SCOC: variants seen among roughly 807,000 people sequenced by gnomAD.
SCOC encodes short coiled coil protein.
A neutral mutation model predicts 9.9 loss-of-function variants in SCOC; 7 were observed. The observed-to-expected ratio is 0.71, with a 90% CI of 0.40 to 1.33. SCOC has a LOEUF of 1.33. Among genes scored for constraint, SCOC ranks in the 40% most tolerant of loss-of-function variants. The probability of loss-of-function intolerance (pLI) is 0.01; values close to 1 mark genes in which losing one functional copy is unlikely to be tolerated. For synonymous variants in SCOC, 19 were observed against 28.2 expected, an observed-to-expected ratio of 0.67 and a Z score of 1.03; for missense variants, 66 against 89.7, an observed-to-expected ratio of 0.74 and a Z score of 1.07.
chr4:140,270,776 T>C (rs2126401272), intron 1 of SCOC, among the ~76,000 whole-genome samples: 1 of 152,312 alleles, frequency 6.6e-6, no homozygotes, highest in East Asian at 1.9e-4. Context: ...AGGAGTTGGC[T>C]AGTTTTGGGA....
intron 1 of SCOC, among the ~76,000 whole-genome samples, chr4:140,375,280 G>T (rs996339898): frequency 1.3e-5 from 2 of 152,184 alleles, no homozygotes; most frequent in African/African-American, 4.8e-5. Flanking sequence ...TAGAGAAGAC[G>T]ATAGCAGACA....
intron 1 of SCOC, chr4:140,291,241 C>A: frequency 2.9e-6 from 1 of 342,596 alleles, no homozygotes; most frequent in Non-Finnish European, 5.8e-6. Flanking sequence ...CGTGCTATCT[C>A]CAAAAGAAGC....
chr4:140,307,862 G>T (rs1578794321), intron 1 of SCOC, among the ~76,000 whole-genome samples: 1 of 152,270 alleles, frequency 6.6e-6, no homozygotes, highest in East Asian at 1.9e-4. Context: ...ATAATAAGAG[G>T]ACAGGGAGAT....
chr4:140,298,431 A>G (rs1220227269), intron 1 of SCOC, among the ~76,000 whole-genome samples: 1 of 152,220 alleles, frequency 6.6e-6, no homozygotes, highest in African/African-American at 2.4e-5. Context: ...CTGTGGGATC[A>G]TGTTGCTTTC....
chr4:140,332,534 A>C (rs773813728), intron 1 of SCOC, among the ~76,000 whole-genome samples: 42 of 152,022 alleles, frequency 2.8e-4, no homozygotes, highest in Non-Finnish European at 2.4e-4. Flanking sequence ...ATGTGCCACC[A>C]TGCCCAGCTA....
At chr4:140,291,641 G>T (rs757055072) in intron 1 of SCOC, 3 of 395,548 alleles carry the variant, frequency 7.6e-6, no homozygotes, top group African/African-American at 6.2e-5. Context: ...TGTACCTGAC[G>T]CTTATTAATA....
intron 1 of SCOC, among the ~76,000 whole-genome samples, chr4:140,263,688 C>T (rs1375459944): frequency 6.6e-6 from 1 of 152,066 alleles, no homozygotes; most frequent in Non-Finnish European, 1.5e-5. Context: ...TAAATTATGC[C>T]CCTTTTACTT....
intron 2 of SCOC, among the ~76,000 whole-genome samples, chr4:140,362,328 C>T (rs1409616280): frequency 1.4e-4 from 2 of 13,920 alleles, no homozygotes; most frequent in Non-Finnish European, 3.0e-4. Flanking sequence ...GAGAGTCTCG[C>T]TCTGCTGCCC....
At chr4:140,323,310 A>G (rs943163822) in intron 1 of SCOC, among the ~76,000 whole-genome samples, 2 of 152,170 alleles carry the variant, frequency 1.3e-5, no homozygotes, top group Non-Finnish European at 2.9e-5. Context: ...ACCATGAGTA[A>G]AAACTTCCTC....
chr4:140,376,133 G>C (rs567375313), intron 1 of SCOC, among the ~76,000 whole-genome samples: 49 of 152,282 alleles, frequency 3.2e-4, no homozygotes, highest in African/African-American at 1.1e-3. Context: ...TTATGATGTA[G>C]TACTGTGTTA....
chr4:140,303,375 C>T (rs1400098134), intron 1 of SCOC, among the ~76,000 whole-genome samples: 2 of 152,218 alleles, frequency 1.3e-5, no homozygotes, highest in African/African-American at 4.8e-5. Context: ...AAAGATGAGA[C>T]AATGCCTATA....
rs543828434 is a variant in SCOC, at chr4:140,321,055, A to T, written c.-18-22566A>T. On this transcript the variant is annotated intron_variant, in intron 1 of 4. Transcript: ENST00000394205. ...CTCCGGAGGATAGTGCAAAGGGGAG[A>T]CTCAAAACCAAGAGAAGAGACAGAA... Among the ~76,000 whole-genome samples, 249 of 152,250 alleles carry T rather than the reference A, an allele frequency of 1.6e-3. 1 individual carries two copies. Among genetic ancestry groups the T allele is most frequent in the African/African-American group, 5.6e-3 (234 of 41,538 alleles).
Position 140,269,260 on chromosome 4 carries a change from G to A in SCOC, c.-19+11850G>A, listed in dbSNP as rs1730791694. Among the ~76,000 whole-genome samples the A allele has an allele frequency of 2.0e-5, 3 of 152,206 alleles. No individual in the cohort carries two copies. In the South Asian group the frequency reaches 6.2e-4, roughly 32 times the overall value. ...CTGCTCTTGAATCTGGGGAGAGAGTGGGGGAAGCTTGTGAGTGTTTTGACG... is the reference window on the plus strand; with the variant it reads ...CTGCTCTTGAATCTGGGGAGAGAGTAGGGGAAGCTTGTGAGTGTTTTGACG... On this transcript the variant is annotated intron_variant, in intron 1 of 4. Coordinates refer to the SCOC transcript ENST00000394205.
intron 1 of SCOC, among the ~76,000 whole-genome samples, chr4:140,279,290 G>A (rs1217777436): frequency 6.6e-6 from 1 of 152,142 alleles, no homozygotes; most frequent in Non-Finnish European, 1.5e-5. Flanking sequence ...CTAAGTCCAT[G>A]TTTGTTTCAT....
chr4:140,362,288 T>TTC (rs1553941089), intron 2 of SCOC, among the ~76,000 whole-genome samples: 1 of 26,332 alleles, frequency 3.8e-5, no homozygotes, highest in Non-Finnish European at 7.1e-5. Flanking sequence ...CTTCTTCTTC[T>TTC]TCTTCTTCTT....
At chr4:140,366,514 A>G (rs1413817632) in intron 2 of SCOC, 1 of 1,564,714 alleles carries the variant, frequency 6.4e-7, no homozygotes, top group Non-Finnish European at 8.8e-7. Context: ...TCTGTTCCTC[A>G]TTGCCTTCAT....
intron 1 of SCOC, among the ~76,000 whole-genome samples, chr4:140,314,866 C>CT (rs1560696823): frequency 6.6e-6 from 1 of 151,854 alleles, no homozygotes; most frequent in African/African-American, 2.4e-5. Context: ...TCCACCCCCC[C>CT]ACCAAGTTCT....
chr4:140,327,796 G>A (rs1732692605), intron 1 of SCOC, among the ~76,000 whole-genome samples: 1 of 152,164 alleles, frequency 6.6e-6, no homozygotes, highest in African/African-American at 2.4e-5. Flanking sequence ...TTACAAGGAT[G>A]CAGCCAGCTT....
intron 1 of SCOC, among the ~76,000 whole-genome samples, chr4:140,275,128 A>G (rs1274580732): frequency 1.4e-4 from 21 of 152,232 alleles, no homozygotes; most frequent in Admixed American, 1.3e-3. Context: ...GGCTTCTTTT[A>G]TATTTATCCA....
Sources: allele counts gnomAD v4.1 joint callset (sites outside exome capture counted in the v4.1 genomes callset), GRCh38; gene constraint gnomAD v4.1.1; transcripts MANE v1.5; gene names NCBI Gene and HGNC (gene_info 2026-07-23, HGNC 2026-07-21).